CMSS1: variants seen among roughly 807,000 people sequenced by gnomAD.
CMSS1 encodes protein CMSS1.
A neutral mutation model predicts 43.5 loss-of-function variants in CMSS1; 33 were observed. The observed-to-expected ratio is 0.76, with a 90% CI of 0.57 to 1.01. CMSS1 has a LOEUF of 1.01. Ranked by LOEUF, CMSS1 falls within the 50% of genes least tolerant of loss-of-function variation. CMSS1 has a pLI of 0.00. For missense variants in CMSS1, 313 were observed against 326.4 expected, an observed-to-expected ratio of 0.96 and a Z score of 0.32; for synonymous variants, 115 against 117.2, an observed-to-expected ratio of 0.98 and a Z score of 0.12.
At chr3:99,871,979 C>T (rs1944810737) in intron 1 of CMSS1, among the ~76,000 whole-genome samples, 1 of 151,874 alleles carries the variant, frequency 6.6e-6, no homozygotes, top group Non-Finnish European at 1.5e-5. Flanking sequence ...GAACTTTGAA[C>T]CTTTCTACTT....
chr3:99,867,542 T>G (rs1455394265), intron 1 of CMSS1, among the ~76,000 whole-genome samples: 1 of 152,220 alleles, frequency 6.6e-6, no homozygotes, highest in Non-Finnish European at 1.5e-5. Context: ...ACATATCTGA[T>G]GGACAGGAAA....
At chr3:100,020,790 C>G (rs1214659642) in intron 1 of CMSS1, among the ~76,000 whole-genome samples, 2 of 88,798 alleles carry the variant, frequency 2.3e-5, no homozygotes, top group Non-Finnish European at 4.0e-5. Context: ...TTTTTTGAGA[C>G]AGAGTCTTGC....
chr3:100,060,894 C>G (rs2065552819), intron 1 of CMSS1, among the ~76,000 whole-genome samples: 3 of 152,058 alleles, frequency 2.0e-5, no homozygotes, highest in Admixed American at 2.0e-4. Context: ...AATAGGGCAT[C>G]TCTTTGAGCC....
chr3:99,983,496 A>G (rs1429460622), intron 1 of CMSS1, among the ~76,000 whole-genome samples: 10 of 116,802 alleles, frequency 8.6e-5, no homozygotes, highest in East Asian at 6.7e-4. Flanking sequence ...ATATATATAT[A>G]TATATATATA....
rs531959483 is a variant in CMSS1, at chr3:100,119,418, A to G, written c.65-27555A>G. 2.6e-5 allele frequency among the ~76,000 whole-genome samples: 4 copies of G among 152,258 alleles called. No individual in the cohort carries two copies. The East Asian group carries it at 7.7e-4, about 29-fold the overall frequency. On this transcript the variant is annotated intron_variant, in intron 1 of 9. Coordinates refer to ENST00000421999, the MANE Select transcript of CMSS1 (RefSeq NM_032359.4). ...TCATGTAACCCTCATAGTGCTCCCA[A>G]GGCACCCAGAGTTTAACCATACTTT...
intron 1 of CMSS1, among the ~76,000 whole-genome samples, chr3:100,070,984 CT>C (rs2065751835): frequency 1.3e-5 from 2 of 151,042 alleles, no homozygotes; most frequent in South Asian, 4.2e-4. Flanking sequence ...ATGTAATGCC[CT>C]TTTTTTGTTT....
chr3:100,110,561 G>T (rs1353023773), intron 1 of CMSS1, among the ~76,000 whole-genome samples: 2 of 152,094 alleles, frequency 1.3e-5, no homozygotes, highest in African/African-American at 4.8e-5. Context: ...ACATGTACAG[G>T]AAATTCCAGG....
intron 1 of CMSS1, among the ~76,000 whole-genome samples, chr3:100,065,762 T>A (rs1041895035): frequency 7.2e-5 from 11 of 152,226 alleles, no homozygotes; most frequent in Non-Finnish European, 1.6e-4. Context: ...CAGTTCATAT[T>A]CAGATTCAAG....
intron 1 of CMSS1, chr3:99,850,830 C>A (rs761305455): frequency 6.2e-7 from 1 of 1,614,140 alleles, no homozygotes; most frequent in South Asian, 1.1e-5. Flanking sequence ...GCTCTTCCTC[C>A]TGAACTCTGG....
At chr3:100,157,694 C>T (rs2066987970) in intron 2 of CMSS1, among the ~76,000 whole-genome samples, 1 of 152,202 alleles carries the variant, frequency 6.6e-6, no homozygotes, top group Admixed American at 6.5e-5. Flanking sequence ...CCTTTCTCCC[C>T]TGGCCCAGCC....
At chr3:99,827,488 G>A (rs375875881) in intron 1 of CMSS1, among the ~76,000 whole-genome samples, 8 of 152,034 alleles carry the variant, frequency 5.3e-5, no homozygotes, top group East Asian at 1.9e-4. Flanking sequence ...CACCGCACCC[G>A]GCAAATGTAA....
chr3:99,914,102 C>T (rs564790737), intron 1 of CMSS1, among the ~76,000 whole-genome samples: 2 of 152,252 alleles, frequency 1.3e-5, no homozygotes, highest in South Asian at 2.1e-4. Flanking sequence ...CCTTAGATCC[C>T]ACTATTTTCA....
At chr3:99,822,869 T>C (rs535697702) in intron 1 of CMSS1, among the ~76,000 whole-genome samples, 7 of 152,352 alleles carry the variant, frequency 4.6e-5, no homozygotes, top group Admixed American at 2.0e-4. Context: ...CCAGCGGTAG[T>C]TACTGTTGTT....
intron 1 of CMSS1, among the ~76,000 whole-genome samples, chr3:99,829,443 T>A (rs2107481770): frequency 6.6e-6 from 1 of 152,324 alleles, no homozygotes; most frequent in Non-Finnish European, 1.5e-5. Context: ...GATGACTGTT[T>A]GAATTCAACA....
chr3:100,068,350 C>CTGTG lies in CMSS1; in HGVS notation c.65-78593_65-78590dup, dbSNP rs62958661. On this transcript the variant is annotated intron_variant, in intron 1 of 9. Transcript: ENST00000421999. ...ACAAACATGAATGATGAAAGAGCCT[C>CTGTG]TGTGTGTGTGTGTGTGTGTGTGTGT... Among the ~76,000 whole-genome samples the CTGTG allele has an allele frequency of 6.5e-3, 970 of 149,508 alleles. 4 individuals are homozygous for CTGTG. The highest frequency in any genetic ancestry group is 7.3e-3 in the South Asian group (34 of 4,678).
intron 1 of CMSS1, among the ~76,000 whole-genome samples, chr3:100,098,017 G>A (rs941163616): frequency 2.6e-5 from 4 of 152,142 alleles, no homozygotes; most frequent in Non-Finnish European, 4.4e-5. Flanking sequence ...GTAATGGTAC[G>A]TGCCACATTG....
intron 1 of CMSS1, among the ~76,000 whole-genome samples, chr3:99,883,214 A>AT (rs1448140529): frequency 1.3e-5 from 2 of 152,274 alleles, no homozygotes; most frequent in Admixed American, 6.5e-5. Flanking sequence ...AGCTCCAGAG[A>AT]TTTTTTACTT....
rs142259368 is a variant in CMSS1, at chr3:100,145,593, T to C, written c.65-1380T>C. 3.3e-4 allele frequency among the ~76,000 whole-genome samples: 50 copies of C among 152,342 alleles called. No homozygotes were observed. In the East Asian group the frequency reaches 6.9e-3, roughly 21 times the overall value. On this transcript the variant is annotated intron_variant, in intron 1 of 9. Coordinates refer to ENST00000421999, the MANE Select transcript of CMSS1 (RefSeq NM_032359.4). ...CCAGCCCTAAGATCTTCATGGCAAGTTGACAAACTGGAGATCCAGGAGAGC... is the reference window on the plus strand; with the variant it reads ...CCAGCCCTAAGATCTTCATGGCAAGCTGACAAACTGGAGATCCAGGAGAGC...
chr3:99,920,918 C>T (rs2107650154), intron 1 of CMSS1, among the ~76,000 whole-genome samples: 1 of 152,288 alleles, frequency 6.6e-6, no homozygotes, highest in African/African-American at 2.4e-5. Flanking sequence ...CAAACCAACA[C>T]TTAGAATGTG....
Sources: allele counts gnomAD v4.1 joint callset (sites outside exome capture counted in the v4.1 genomes callset), GRCh38; gene constraint gnomAD v4.1.1; transcripts MANE v1.5; gene names NCBI Gene and HGNC (gene_info 2026-07-23, HGNC 2026-07-21).